SOX5: variants seen among roughly 807,000 people sequenced by gnomAD.
SOX5 encodes the protein transcription factor SOX-5.
In SOX5, 9 loss-of-function variants were observed where a neutral mutation model predicts 92.0. The ratio of observed to expected loss-of-function variants is 0.10; its 90% CI spans 0.06 to 0.17. The LOEUF is 0.17. Among genes scored for constraint, SOX5 ranks in the 10% least tolerant of loss-of-function variants. SOX5 has a pLI of 1.00. For synonymous variants in SOX5, 344 were observed against 336.3 expected (o/e 1.02, Z -0.25); for missense variants, 642 against 944.5 (o/e 0.68, Z 4.20).
chr12:24,540,054 T>C (rs557516007), intron 1 of SOX5, among the ~76,000 whole-genome samples: 1 of 152,116 alleles, frequency 6.6e-6, no homozygotes, highest in African/African-American at 2.4e-5. Flanking sequence ...AAAATTAATA[T>C]GCATTATGTA....
chr12:24,066,813 A>G (rs12312684), intron 4 of SOX5, among the ~76,000 whole-genome samples: 3,412 of 152,344 alleles, frequency 0.022, 123 homozygotes, highest in African/African-American at 0.076. Context: ...AAGAGTAAGT[A>G]AAAGTCCAAA....
chr12:24,132,138 C>T (rs1325437870), intron 4 of SOX5, among the ~76,000 whole-genome samples: 5 of 152,074 alleles, frequency 3.3e-5, no homozygotes, highest in Non-Finnish European at 5.9e-5. Context: ...ATTCAACAAA[C>T]GTGTAGATCA....
chr12:24,060,519 A>C (rs972711742), intron 4 of SOX5, among the ~76,000 whole-genome samples: 2 of 152,220 alleles, frequency 1.3e-5, no homozygotes, highest in Non-Finnish European at 2.9e-5. Context: ...AAATAATACT[A>C]TTCTGTTATC....
intron 6 of SOX5, among the ~76,000 whole-genome samples, chr12:23,684,881 T>C (rs1593264207): frequency 6.6e-6 from 1 of 152,306 alleles, no homozygotes; most frequent in Non-Finnish European, 1.5e-5. Context: ...GCATGGCTGC[T>C]AAATGTTCTT....
chr12:24,028,650 A>G (rs1955154568), intron 4 of SOX5, among the ~76,000 whole-genome samples: 1 of 152,010 alleles, frequency 6.6e-6, no homozygotes, highest in Non-Finnish European at 1.5e-5. Flanking sequence ...AATCATGACA[A>G]TAAAAGTAAA....
chr12:24,536,973 A>G (rs1409566021), intron 1 of SOX5, among the ~76,000 whole-genome samples: 1 of 152,162 alleles, frequency 6.6e-6, no homozygotes, highest in African/African-American at 2.4e-5. Context: ...ATGCCACACA[A>G]TAATATTAGC....
chr12:24,326,582 A>G (rs1950706543), intron 2 of SOX5, among the ~76,000 whole-genome samples: 1 of 152,068 alleles, frequency 6.6e-6, no homozygotes, highest in African/African-American at 2.4e-5. Flanking sequence ...TTTCCTTACA[A>G]TATCCAGCAT....
intron 4 of SOX5, among the ~76,000 whole-genome samples, chr12:24,068,490 A>G (rs1941160565): frequency 6.6e-6 from 1 of 151,858 alleles, no homozygotes; most frequent in Non-Finnish European, 1.5e-5. Context: ...GATAAATAAA[A>G]GAGATTATCT....
chr12:24,204,486 G>A (rs1013159967), intron 4 of SOX5, among the ~76,000 whole-genome samples: 6 of 152,018 alleles, frequency 3.9e-5, no homozygotes, highest in African/African-American at 1.4e-4. Context: ...CCACTACCAT[G>A]TCTGACTAAT....
intron 3 of SOX5, among the ~76,000 whole-genome samples, chr12:23,816,637 A>G (rs142643612): frequency 1.9e-3 from 287 of 152,274 alleles, no homozygotes; most frequent in African/African-American, 6.7e-3. Context: ...TTGCAACCAG[A>G]TATCTTAAGC....
At chr12:24,246,168 T>A (rs1019575147) in intron 3 of SOX5, among the ~76,000 whole-genome samples, 34 of 152,172 alleles carry the variant, frequency 2.2e-4, no homozygotes, top group Admixed American at 2.0e-4. Context: ...TTAAATAATG[T>A]TTTCTTATAA....
At position 24,049,638 on chromosome 12, in the gene SOX5, G is replaced by GT. The variant is rs527647441; in HGVS notation, c.-1-153615dup. ...TGTTGATATTTTCCAATCCTTCATA[G>GT]TTTTTTTTTTTTTTTTTTTTTTTTT... is the stretch of plus-strand genomic sequence containing the variant. On this transcript the variant is annotated intron_variant, in intron 4 of 4. Coordinates refer to the SOX5 transcript ENST00000446891. 7.1e-3 allele frequency among the ~76,000 whole-genome samples: 521 copies of GT among 73,716 alleles called. 47 individuals are homozygous for GT. Among genetic ancestry groups the GT allele is most frequent in the African/African-American group, 0.027 (451 of 16,800 alleles). The allele number at this position is 73,716 out of a possible 152,430, so 48.4% of individuals were successfully genotyped here.
chr12:23,572,566 A>G (rs1948543340), intron 10 of SOX5, among the ~76,000 whole-genome samples: 1 of 152,158 alleles, frequency 6.6e-6, no homozygotes, highest in Admixed American at 6.6e-5. Flanking sequence ...GGGAATGCTA[A>G]AGAAAAAATA....
At chr12:24,062,595 G>T (rs1483280546) in intron 4 of SOX5, among the ~76,000 whole-genome samples, 1 of 152,188 alleles carries the variant, frequency 6.6e-6, no homozygotes, top group Non-Finnish European at 1.5e-5. Flanking sequence ...TAGGCAGAAG[G>T]GTGGGGCCTC....
intron 2 of SOX5, among the ~76,000 whole-genome samples, chr12:24,344,281 C>CAAAAAAAAAAAAAAA (rs61660537): frequency 9.6e-6 from 1 of 104,326 alleles, no homozygotes; most frequent in African/African-American, 3.6e-5. Flanking sequence ...GACTCTGTCT[C>CAAAAAAAAAAAAAAA]AAAAAAAAAA....
intron 4 of SOX5, among the ~76,000 whole-genome samples, chr12:24,208,679 C>T (rs1265470881): frequency 6.6e-6 from 1 of 152,152 alleles, no homozygotes; most frequent in African/African-American, 2.4e-5. Flanking sequence ...ATTCATTTGG[C>T]TACAGCTCTT....
At chr12:23,897,343 T>C (rs1381542028) in intron 1 of SOX5, among the ~76,000 whole-genome samples, 1 of 152,118 alleles carries the variant, frequency 6.6e-6, no homozygotes, top group South Asian at 2.1e-4. Context: ...AGATATTCTA[T>C]TAAAAATATT....
intron 4 of SOX5, among the ~76,000 whole-genome samples, chr12:23,974,097 CTAA>C (rs1163692883): frequency 6.6e-6 from 1 of 151,968 alleles, no homozygotes; most frequent in African/African-American, 2.4e-5. Flanking sequence ...AGATTAATAA[CTAA>C]TAATAAAATA....
chr12:24,261,108 A>T (rs1277904127), intron 3 of SOX5, among the ~76,000 whole-genome samples: 1 of 152,224 alleles, frequency 6.6e-6, no homozygotes, highest in African/African-American at 2.4e-5. Flanking sequence ...TGCTAACTTT[A>T]TCCTTGTCAT....
Sources: allele counts gnomAD v4.1 joint callset (sites outside exome capture counted in the v4.1 genomes callset), GRCh38; gene constraint gnomAD v4.1.1; transcripts MANE v1.5; gene names NCBI Gene and HGNC (gene_info 2026-07-23, HGNC 2026-07-21).